Variants in LARP1 observed in about 807,000 individuals in gnomAD.
LARP1 encodes the protein La ribonucleoprotein 1, translational regulator, also known as la-related protein 1.
Under a neutral mutation model 122.7 loss-of-function variants are expected in LARP1, and 36 were observed. The observed-to-expected ratio is 0.29, with a 90% CI of 0.22 to 0.39. The LOEUF (loss-of-function observed/expected upper bound fraction) is 0.39, where lower values mean the gene tolerates loss of function less well. Ranked by LOEUF, LARP1 falls within the 10% of genes least tolerant of loss-of-function variation. LARP1 has a pLI of 1.00. For missense variants in LARP1, 1,040 were observed against 1,403.6 expected, an observed-to-expected ratio of 0.74 and a Z score of 4.14; for synonymous variants, 539 against 528.7, an observed-to-expected ratio of 1.02 and a Z score of -0.27.
At chr5:154,800,102 G>GGATA in intron 10 of LARP1, 60 bp downstream of exon 10, 1 of 1,501,170 alleles carries the variant, frequency 6.7e-7, no homozygotes, top group South Asian at 1.2e-5. Flanking sequence ...TGCTTGAAGG[G>GGATA]GATAACACAT....
chr5:154,771,931 T>C (rs546728503), intron 1 of LARP1, among the ~76,000 whole-genome samples: 13 of 152,356 alleles, frequency 8.5e-5, no homozygotes, highest in African/African-American at 3.1e-4. Context: ...GAAAATACCC[T>C]ATGTGTTGGG....
In LARP1 at chr5:154,809,456, GTTC is replaced by G. The variant is rs534102785; in HGVS notation, c.2843+858_2843+860del. 3.5e-3 allele frequency among the ~76,000 whole-genome samples: 530 copies of G among 150,440 alleles called. 2 individuals are homozygous for G. The highest frequency in any genetic ancestry group is 0.013 in the African/African-American group (511 of 40,862). ...ATCCATCATTCCAGAGACAGCAAGT[GTTC>G]TTCTGCCATCAAGCTTCCTAGTTTC... On this transcript the variant is annotated intron_variant, in intron 16 of 18. Transcript: ENST00000518297.
chr5:154,763,582 T>G (rs1203373964), intron 1 of LARP1, among the ~76,000 whole-genome samples: 1 of 151,628 alleles, frequency 6.6e-6, no homozygotes, highest in Non-Finnish European at 1.5e-5. Context: ...AGTTCAAGGC[T>G]GCAAGTGAGC....
At position 154,808,448 on chromosome 5, in the gene LARP1, T is replaced by C. The variant is rs1758975907; in HGVS notation, c.2699-11T>C. The C allele has an allele frequency of 6.2e-7, 1 of 1,609,546 alleles. No individual in the cohort carries two copies. The highest frequency in any genetic ancestry group is 1.3e-5 in the African/African-American group (1 of 74,694). ...CCTGAGACATGCCTTTCCTCCTTTC[T>C]TTCCCATCAGAGCGGAAACGCTTGG... On this transcript the variant is annotated splice_polypyrimidine_tract_variant and intron_variant, in intron 15 of 18. Coordinates refer to ENST00000518297, the MANE Select transcript of LARP1 (RefSeq NM_033551.3).
chr5:154,810,305 A>G (rs1320608844), intron 16 of LARP1, among the ~76,000 whole-genome samples: 1 of 151,536 alleles, frequency 6.6e-6, no homozygotes, highest in African/African-American at 2.4e-5. Flanking sequence ...GTGTGGTGGC[A>G]CATGCCTGTA....
chr5:154,791,361 C>T (rs768436398), intron 3 of LARP1, among the ~76,000 whole-genome samples: 2 of 151,858 alleles, frequency 1.3e-5, no homozygotes, highest in African/African-American at 2.4e-5. Flanking sequence ...TTACAGGCAC[C>T]CACCATCATG....
chr5:154,716,213 G>A (rs909954162), intron 1 of LARP1, among the ~76,000 whole-genome samples: 6 of 152,066 alleles, frequency 3.9e-5, no homozygotes, highest in South Asian at 2.1e-4. Context: ...TCTGCCTCCC[G>A]GGCTCAAGCG....
chr5:154,796,749 A>G (rs1390250248), intron 8 of LARP1, among the ~76,000 whole-genome samples: 2 of 152,174 alleles, frequency 1.3e-5, no homozygotes, highest in African/African-American at 4.8e-5. Flanking sequence ...ATACCTCTTC[A>G]AGAAGTAACT....
At chr5:154,806,141 CAAAA>C (rs938405887) in intron 15 of LARP1, 109 bp downstream of exon 15, 1 of 1,153,174 alleles carries the variant, frequency 8.7e-7, no homozygotes. Flanking sequence ...GACTTCAGAG[CAAAA>C]AAAAGACATG....
At chr5:154,701,429 T>C (rs972720580) in intron 1 of LARP1, among the ~76,000 whole-genome samples, 2 of 152,134 alleles carry the variant, frequency 1.3e-5, no homozygotes, top group Non-Finnish European at 2.9e-5. Context: ...AGCAACCATA[T>C]GTTGCTTGGG....
In LARP1 at chr5:154,795,160, C is replaced by T; in HGVS notation, c.1233-15C>T. ...ACCAATCCCTCGGTGATAACTACTTCTTCCCTCCACTTAGTGAATACTACT... is the reference window on the plus strand; with the variant it reads ...ACCAATCCCTCGGTGATAACTACTTTTTCCCTCCACTTAGTGAATACTACT... On this transcript the variant is annotated splice_polypyrimidine_tract_variant and intron_variant, in intron 7 of 18. Transcript: ENST00000518297. 4 of 1,612,846 alleles carry T rather than the reference C, an allele frequency of 2.5e-6. No individual in the cohort carries two copies. The highest frequency in any genetic ancestry group is 2.2e-5 in the South Asian group (2 of 91,028).
intron 1 of LARP1, among the ~76,000 whole-genome samples, chr5:154,687,995 G>A (rs1444868982): frequency 1.3e-5 from 2 of 152,168 alleles, no homozygotes; most frequent in Non-Finnish European, 2.9e-5. Flanking sequence ...ATCTGGAGAT[G>A]CATGTCCCTC....
intron 1 of LARP1, among the ~76,000 whole-genome samples, chr5:154,706,250 C>T (rs1010475089): frequency 1.5e-4 from 22 of 151,724 alleles, no homozygotes; most frequent in Non-Finnish European, 2.6e-4. Context: ...GCCAAGATGG[C>T]ACCACTGCAC....
chr5:154,806,500 A>G (rs1370923789), intron 15 of LARP1, among the ~76,000 whole-genome samples: 1 of 152,198 alleles, frequency 6.6e-6, no homozygotes, highest in Non-Finnish European at 1.5e-5. Context: ...TAAGAAAAAA[A>G]GATTTGTGAC....
chr5:154,780,312 C>G (rs534796424), intron 1 of LARP1, among the ~76,000 whole-genome samples: 1 of 152,204 alleles, frequency 6.6e-6, no homozygotes, highest in Non-Finnish European at 1.5e-5. Flanking sequence ...AATGGGGCCC[C>G]TCTCAGAGCC....
At chr5:154,742,499 C>T (rs1363454403) in intron 1 of LARP1, among the ~76,000 whole-genome samples, 1 of 152,088 alleles carries the variant, frequency 6.6e-6, no homozygotes, top group Non-Finnish European at 1.5e-5. Flanking sequence ...GCGGAGGTTG[C>T]AGTGAGCCAT....
chr5:154,762,865 A>C (rs1236894093), intron 1 of LARP1, among the ~76,000 whole-genome samples: 1 of 152,206 alleles, frequency 6.6e-6, no homozygotes, highest in Non-Finnish European at 1.5e-5. Flanking sequence ...CACAGTAGCC[A>C]GGAGCCATCT....
At chr5:154,731,456 T>C (rs1037106605) in intron 1 of LARP1, among the ~76,000 whole-genome samples, 1 of 152,190 alleles carries the variant, frequency 6.6e-6, no homozygotes, top group African/African-American at 2.4e-5. Context: ...CCTCTATTTA[T>C]ACACCCCCTA....
intron 1 of LARP1, among the ~76,000 whole-genome samples, chr5:154,738,223 T>A (rs1295195122): frequency 6.6e-6 from 1 of 152,212 alleles, no homozygotes; most frequent in African/African-American, 2.4e-5. Context: ...GAATATCACC[T>A]TATTGTAGAG....
Sources: gnomAD v4.1 joint callset for allele counts (sites outside exome capture counted in the v4.1 genomes callset) on GRCh38, gnomAD v4.1.1 for gene constraint, MANE v1.5 for transcripts, NCBI Gene and HGNC (gene_info 2026-07-23, HGNC 2026-07-21) for gene names.